EHBP1: variants seen among roughly 807,000 people sequenced by gnomAD.
EHBP1 encodes the protein EH domain-binding protein 1.
EHBP1 carries 55 observed loss-of-function variants against 144.0 expected under a neutral mutation model. The ratio of observed to expected loss-of-function variants is 0.38; its 90% CI spans 0.31 to 0.48. The LOEUF is 0.48. EHBP1 is among the 20% of genes least tolerant of loss of function. EHBP1 has a pLI of 0.98. For synonymous variants in EHBP1, 469 were observed against 472.7 expected (o/e 0.99, Z 0.10); for missense variants, 1,200 against 1,364.2 (o/e 0.88, Z 1.90).
chr2:62,732,525 A>G (rs1356184156), intron 2 of EHBP1, among the ~76,000 whole-genome samples: 1 of 152,106 alleles, frequency 6.6e-6, no homozygotes, highest in Non-Finnish European at 1.5e-5. Flanking sequence ...TGTTCTCGTG[A>G]TAAGAGTTCT....
intron 1 of EHBP1, among the ~76,000 whole-genome samples, chr2:62,696,189 G>C (rs1237483981): frequency 1.3e-5 from 1 of 75,380 alleles, no homozygotes; most frequent in African/African-American, 4.9e-5. Flanking sequence ...TTTGCTTTTT[G>C]AGACAGAGTC....
At chr2:62,825,060 T>C (rs1403742131) in intron 5 of EHBP1, among the ~76,000 whole-genome samples, 1 of 152,006 alleles carries the variant, frequency 6.6e-6, no homozygotes, top group Non-Finnish European at 1.5e-5. Context: ...GTCACACAGC[T>C]TGAAAATTAA....
Position 63,045,655 on chromosome 2 carries a change from C to T in EHBP1, c.*155C>T, listed in dbSNP as rs2061927607. 2 of 612,804 alleles carry T rather than the reference C, an allele frequency of 3.3e-6. No individual in the cohort carries two copies. Among genetic ancestry groups the T allele is most frequent in the Non-Finnish European group, 5.7e-6 (2 of 348,570 alleles). 38.0% of individuals were successfully genotyped at this position (612,804 alleles called of 1,614,324 possible). A position where few individuals can be genotyped will look rare whatever the true frequency, so the allele number is the denominator to read the frequency against. On this transcript the variant is annotated 3_prime_UTR_variant, in exon 23 of 23. Coordinates refer to ENST00000431489, the MANE Select transcript of EHBP1 (RefSeq NM_001142616.3). This position sits in a 1 kb window ranked among gnomAD's most constrained non-coding sequence, Gnocchi z 5.7. ...TTTACCACCACCACCCTTTTCCTCC[C>T]TCCTTTCCAAATAATATACAGAACT...
intron 10 of EHBP1, among the ~76,000 whole-genome samples, chr2:62,938,829 G>A (rs568162649): frequency 6.6e-6 from 1 of 151,926 alleles, no homozygotes; most frequent in East Asian, 1.9e-4. Flanking sequence ...AGAAGAAGAA[G>A]AAAAGGAAAA....
At chr2:63,038,179 C>T (rs947396241) in intron 20 of EHBP1, among the ~76,000 whole-genome samples, 5 of 152,032 alleles carry the variant, frequency 3.3e-5, no homozygotes, top group African/African-American at 1.2e-4. Context: ...GACTTAAGCA[C>T]GTTCCTTTCT....
intron 1 of EHBP1, among the ~76,000 whole-genome samples, chr2:62,687,630 G>A (rs1401613241): frequency 6.6e-6 from 1 of 152,134 alleles, no homozygotes; most frequent in Non-Finnish European, 1.5e-5. Context: ...ATTTCTCAGT[G>A]AACTCTCCCA....
At chr2:62,835,645 C>T (rs1353878204) in intron 7 of EHBP1, among the ~76,000 whole-genome samples, 7 of 152,056 alleles carry the variant, frequency 4.6e-5, no homozygotes, top group African/African-American at 1.4e-4. Context: ...GCACCGTGCG[C>T]GAGCCGAAGC....
At chr2:62,767,471 G>A (rs964568297) in intron 4 of EHBP1, among the ~76,000 whole-genome samples, 2 of 151,952 alleles carry the variant, frequency 1.3e-5, no homozygotes, top group South Asian at 4.2e-4. Flanking sequence ...GCTGAGGTGG[G>A]TGATCGCTTG....
chr2:62,727,669 G>A (rs1276002990), intron 2 of EHBP1, among the ~76,000 whole-genome samples: 1 of 152,136 alleles, frequency 6.6e-6, no homozygotes, highest in Non-Finnish European at 1.5e-5. Context: ...TCTATTATAT[G>A]GATATGTTAC....
In EHBP1 at chr2:62,854,811, C is replaced by T. The variant is rs573316153; in HGVS notation, c.635-4358C>T. 3.9e-5 allele frequency among the ~76,000 whole-genome samples: 6 copies of T among 152,302 alleles called. No individual in the cohort carries two copies. In the East Asian group the frequency reaches 7.7e-4, roughly 20 times the overall value. ...CGTCATGCCTGCTACAGCAGGGAGG[C>T]GTGGCTGAGGCCACACACTCCAAGC... is the stretch of plus-strand genomic sequence containing the variant. On this transcript the variant is annotated intron_variant, in intron 7 of 22. Transcript: ENST00000431489.
chr2:62,839,197 C>CAATA (rs2047574163), intron 7 of EHBP1, among the ~76,000 whole-genome samples: 1 of 151,968 alleles, frequency 6.6e-6, no homozygotes, highest in Non-Finnish European at 1.5e-5. Flanking sequence ...ATACGCAAAT[C>CAATA]AATAAATGTA....
Position 62,874,492 on chromosome 2 carries a change from A to G in EHBP1, c.1145A>G (p.Asn382Ser). The G allele has an allele frequency of 6.2e-7, 1 of 1,607,736 alleles. No individual in the cohort carries two copies. Among genetic ancestry groups the G allele is most frequent in the Non-Finnish European group, 8.5e-7 (1 of 1,177,376 alleles). Residue 382 changes from asparagine to serine, a missense_variant, in exon 10 of 23, where the codon AAC becomes AGC. Asn to Ser is a conservative substitution (Grantham distance 46, BLOSUM62 1). Transcript: ENST00000431489. The part of the protein sequence containing the change: ...LSPKTGVLNE[N>S]TVSAGKDLST... Reference sequence around the variant, plus strand: ...CCAAAAACAGGAGTATTAAATGAAAACACAGTTTCTGCAGGAAAAGATCTC... The same window carrying G: ...CCAAAAACAGGAGTATTAAATGAAAGCACAGTTTCTGCAGGAAAAGATCTC...
intron 14 of EHBP1, among the ~76,000 whole-genome samples, chr2:62,961,419 T>A (rs1216171940): frequency 6.6e-6 from 1 of 152,222 alleles, no homozygotes. Flanking sequence ...ATTTCATTGC[T>A]CTGGGTCTGT....
chr2:62,942,657 A>G, intron 10 of EHBP1, 61 bp from the exon 11 acceptor site: 2 of 1,441,338 alleles, frequency 1.4e-6, no homozygotes, highest in Middle Eastern at 1.8e-4. Flanking sequence ...AGGTCAATTA[A>G]TGTTAATTTT....
rs377106381 is a variant in EHBP1 at position 62,819,703 on chromosome 2, G to T, written c.313-6384G>T. 8.8e-4 allele frequency among the ~76,000 whole-genome samples: 134 copies of T among 151,818 alleles called. 4 individuals carry two copies. In the South Asian group the frequency reaches 0.027, roughly 30 times the overall value. On this transcript the variant is annotated intron_variant, in intron 5 of 22. Transcript: ENST00000431489. ...TGCTTGAACCCAGGAGGTGGAGGTTGCAGTGAGCTGAGATTGTGCCATTGC... is the reference window on the plus strand; with the variant it reads ...TGCTTGAACCCAGGAGGTGGAGGTTTCAGTGAGCTGAGATTGTGCCATTGC...
At chr2:63,018,007 T>TA (rs1488884555) in intron 19 of EHBP1, among the ~76,000 whole-genome samples, 1 of 152,022 alleles carries the variant, frequency 6.6e-6, no homozygotes, top group Non-Finnish European at 1.5e-5. Context: ...CTACAAAAAC[T>TA]AAAAAATTTA....
At chr2:62,762,457 C>T (rs1461846284) in intron 3 of EHBP1, among the ~76,000 whole-genome samples, 2 of 152,202 alleles carry the variant, frequency 1.3e-5, no homozygotes, top group Non-Finnish European at 2.9e-5. Flanking sequence ...TGAACATCCA[C>T]CCTTGAATAT....
intron 5 of EHBP1, among the ~76,000 whole-genome samples, chr2:62,788,976 T>G (rs537017414): frequency 9.8e-5 from 15 of 152,320 alleles, no homozygotes; most frequent in Admixed American, 9.1e-4. Flanking sequence ...GGAGTCACTG[T>G]GAAAAGCATA....
intron 7 of EHBP1, among the ~76,000 whole-genome samples, chr2:62,835,548 G>C (rs954905743): frequency 6.6e-6 from 1 of 152,208 alleles, no homozygotes; most frequent in African/African-American, 2.4e-5. Flanking sequence ...CGACGCAGAA[G>C]ACGGGTGATT....
Sources: allele counts gnomAD v4.1 joint callset (sites outside exome capture counted in the v4.1 genomes callset), GRCh38; gene constraint gnomAD v4.1.1; non-coding constraint Gnocchi (gnomAD v3.1); transcripts MANE v1.5; gene names NCBI Gene and HGNC (gene_info 2026-07-23, HGNC 2026-07-21).